The following TRAM1 variants were observed in gnomAD, a reference collection of about 807,000 sequenced individuals.
TRAM1 encodes the protein translocating chain-associated membrane protein 1.
A neutral mutation model predicts 48.7 loss-of-function variants in TRAM1; 17 were observed. The ratio of observed to expected loss-of-function variants is 0.35; its 90% CI spans 0.24 to 0.52. TRAM1 has a LOEUF of 0.52. TRAM1 is among the 20% of genes least tolerant of loss of function. The probability of loss-of-function intolerance (pLI) is 0.94; values close to 1 mark genes in which losing one functional copy is unlikely to be tolerated. For synonymous variants in TRAM1, 182 were observed against 154.0 expected, an observed-to-expected ratio of 1.18 and a Z score of -1.34; for missense variants, 351 against 441.5, an observed-to-expected ratio of 0.79 and a Z score of 1.84.
intron 8 of TRAM1, among the ~76,000 whole-genome samples, chr8:70,585,494 C>A (rs1017155750): frequency 2.0e-5 from 3 of 150,302 alleles, no homozygotes; most frequent in Admixed American, 6.6e-5. Flanking sequence ...AGGCAACCTA[C>A]AAAATGGGAG....
At chr8:70,577,166 G>A (rs1163488906) in intron 10 of TRAM1, among the ~76,000 whole-genome samples, 1 of 152,190 alleles carries the variant, frequency 6.6e-6, no homozygotes, top group Non-Finnish European at 1.5e-5. Flanking sequence ...GGGTGCTGAT[G>A]AGCACGAGAG....
intron 1 of TRAM1, 98 bp downstream of exon 1, chr8:70,607,979 C>A: frequency 7.1e-7 from 1 of 1,406,416 alleles, no homozygotes; most frequent in Non-Finnish European, 9.3e-7. Flanking sequence ...GGGCCCGAGC[C>A]CCCCGCGTCC....
At chr8:70,575,322 A>C (rs1816923331) in intron 10 of TRAM1, among the ~76,000 whole-genome samples, 1 of 152,262 alleles carries the variant, frequency 6.6e-6, no homozygotes, top group South Asian at 2.1e-4. Context: ...CACATTTGAC[A>C]GCGAAGTCCT....
intron 6 of TRAM1, among the ~76,000 whole-genome samples, chr8:70,589,060 T>C (rs1586757338): frequency 6.6e-6 from 1 of 152,120 alleles, no homozygotes; most frequent in African/African-American, 2.4e-5. Context: ...TTTTGAGGAG[T>C]AGAGATTTTT....
chr8:70,594,281 T>C (rs1233545445), intron 6 of TRAM1, among the ~76,000 whole-genome samples: 2 of 147,316 alleles, frequency 1.4e-5, no homozygotes, highest in Non-Finnish European at 3.0e-5. Flanking sequence ...ATGTAAAAAA[T>C]CTAAGCTAAA....
At chr8:70,596,750 G>A (rs183641767) in intron 4 of TRAM1, among the ~76,000 whole-genome samples, 2 of 148,440 alleles carry the variant, frequency 1.3e-5, no homozygotes, top group East Asian at 2.0e-4. Context: ...ATGGAATTAC[G>A]TCAATAAAAT....
At chr8:70,603,303 T>TACACACACACAC (rs35864770) in intron 1 of TRAM1, among the ~76,000 whole-genome samples, 56 of 150,060 alleles carry the variant, frequency 3.7e-4, no homozygotes, top group African/African-American at 1.1e-3. Flanking sequence ...ATATGTTTTA[T>TACACACACACAC]ACACACACAC....
chr8:70,598,388 G>A (rs1322968779), intron 2 of TRAM1, 133 bp from the exon 3 acceptor site: 1 of 785,800 alleles, frequency 1.3e-6, no homozygotes, highest in Non-Finnish European at 1.8e-6. Flanking sequence ...CATAAATAAC[G>A]TGGTCTTGGA....
chr8:70,575,277 A>C (rs1287295863), intron 10 of TRAM1, among the ~76,000 whole-genome samples: 1 of 152,264 alleles, frequency 6.6e-6, no homozygotes, highest in African/African-American at 2.4e-5. Flanking sequence ...ATAGTATTCA[A>C]GAGAAATACC....
At chr8:70,598,854 A>G (rs1339785240) in intron 2 of TRAM1, among the ~76,000 whole-genome samples, 1 of 152,250 alleles carries the variant, frequency 6.6e-6, no homozygotes, top group Non-Finnish European at 1.5e-5. Context: ...ACATATACAT[A>G]AAAGAGCTTT....
intron 1 of TRAM1, among the ~76,000 whole-genome samples, chr8:70,602,984 G>A (rs1817634820): frequency 6.6e-6 from 1 of 152,158 alleles, no homozygotes. Context: ...TTCAGGAAGT[G>A]GAAGAAGTCA....
chr8:70,602,608 C>T (rs1425707129), intron 1 of TRAM1, among the ~76,000 whole-genome samples: 2 of 152,150 alleles, frequency 1.3e-5, no homozygotes, highest in African/African-American at 4.8e-5. Context: ...AGCAATGTCA[C>T]ATATTAAGCA....
At chr8:70,587,647 T>C (rs1052159594) in intron 6 of TRAM1, 1 of 154,368 alleles carries the variant, frequency 6.5e-6, no homozygotes, top group African/African-American at 2.4e-5. Flanking sequence ...GTTCCTCTAA[T>C]ATTAAAATTG....
chr8:70,577,303 G>C (rs1586749082), intron 10 of TRAM1, among the ~76,000 whole-genome samples: 2 of 152,310 alleles, frequency 1.3e-5, no homozygotes, highest in South Asian at 4.1e-4. Context: ...GGCAGAAAGG[G>C]GTGGGCCCTG....
At chr8:70,579,601 A>C (rs1055791421) in intron 10 of TRAM1, among the ~76,000 whole-genome samples, 1 of 152,214 alleles carries the variant, frequency 6.6e-6, no homozygotes, top group Non-Finnish European at 1.5e-5. Context: ...TGCAATTCAC[A>C]ACATTAATAG....
chr8:70,607,270 C>T (rs1817758650), intron 1 of TRAM1: 1 of 985,134 alleles, frequency 1.0e-6, no homozygotes, highest in South Asian at 4.7e-5. Context: ...AGAATTTACA[C>T]ACTCCTGACA....
At chr8:70,592,430 A>G (rs1337316211) in intron 6 of TRAM1, among the ~76,000 whole-genome samples, 1 of 152,230 alleles carries the variant, frequency 6.6e-6, no homozygotes, top group Non-Finnish European at 1.5e-5. Flanking sequence ...TGCAGCTGCT[A>G]CTTTCAAATT....
chr8:70,585,197 T>C (rs1310201679), intron 8 of TRAM1, among the ~76,000 whole-genome samples: 2 of 152,272 alleles, frequency 1.3e-5, no homozygotes, highest in East Asian at 3.9e-4. Flanking sequence ...ATTTAATAAA[T>C]GGTGCTGGGA....
At chr8:70,576,562 C>A (rs529876804) in intron 10 of TRAM1, among the ~76,000 whole-genome samples, 45 of 152,282 alleles carry the variant, frequency 3.0e-4, no homozygotes, top group Admixed American at 5.2e-4. Flanking sequence ...AAAATGTGAA[C>A]AATAGTATTA....
Sources: allele counts gnomAD v4.1 joint callset (sites outside exome capture counted in the v4.1 genomes callset), GRCh38; gene constraint gnomAD v4.1.1; transcripts MANE v1.5; gene names NCBI Gene and HGNC (gene_info 2026-07-23, HGNC 2026-07-21).